The following TNFSF4 variants were observed in gnomAD, a reference collection of about 807,000 sequenced individuals.
TNFSF4 encodes the protein tumor necrosis factor ligand superfamily member 4.
A neutral mutation model predicts 7.3 loss-of-function variants in TNFSF4; 4 were observed. The observed-to-expected ratio is 0.55, with a 90% CI of 0.27 to 1.25. The LOEUF is 1.25. Among genes scored for constraint, TNFSF4 ranks in the 50% most tolerant of loss-of-function variants. TNFSF4 has a pLI of 0.12. For synonymous variants in TNFSF4, 76 were observed against 83.7 expected (o/e 0.91, Z 0.50); for missense variants, 181 against 208.8 (o/e 0.87, Z 0.82).
chr1:173,226,505 A>G, the TNFSF4 span, among the ~76,000 whole-genome samples: 1 of 152,188 alleles, frequency 6.6e-6, no homozygotes, highest in Non-Finnish European at 1.5e-5. Context: ...CCCATGATTG[A>G]CCTCAAAGAG....
chr1:173,229,306 C>A, the TNFSF4 span, among the ~76,000 whole-genome samples: 2 of 152,152 alleles, frequency 1.3e-5, no homozygotes, highest in Admixed American at 1.3e-4. Context: ...GAATTTTCAA[C>A]CCAGAATTTC....
rs142288375 is a variant in TNFSF4, at chr1:173,205,827, G to C, written c.153+1197C>G. 1.9e-3 allele frequency: 302 copies of C among 157,202 alleles called. 1 individual carries two copies. The highest frequency in any genetic ancestry group is 9.8e-3 in the Middle Eastern group (3 of 306). 9.7% of individuals were successfully genotyped at this position (157,202 alleles called of 1,614,324 possible). A position where few individuals can be genotyped will look rare whatever the true frequency, so the allele number is the denominator to read the frequency against. ...AAGAGTTCTGCGAGAAGACATAAGA[G>C]TGTGGTGTGATGAGGAGAGGATCAA... On this transcript the variant is annotated intron_variant, in intron 1 of 2. Coordinates refer to ENST00000281834, the MANE Select transcript of TNFSF4 (RefSeq NM_003326.5).
At chr1:173,270,005 G>T in the TNFSF4 span, among the ~76,000 whole-genome samples, 2 of 152,090 alleles carry the variant, frequency 1.3e-5, no homozygotes, top group Non-Finnish European at 2.9e-5. Context: ...CTAAGAAGGG[G>T]TCAGACTGTG....
the TNFSF4 span, among the ~76,000 whole-genome samples, chr1:173,177,465 T>C: frequency 6.6e-6 from 1 of 152,056 alleles, no homozygotes; most frequent in Non-Finnish European, 1.5e-5. Flanking sequence ...GCGAGGAGGC[T>C]GAGGATGGAA....
chr1:173,250,245 A>G, the TNFSF4 span, among the ~76,000 whole-genome samples: 1 of 152,156 alleles, frequency 6.6e-6, no homozygotes, highest in Non-Finnish European at 1.5e-5. Flanking sequence ...CATTAATTTT[A>G]CCATTTAACA....
chr1:173,207,046 C>A lies in TNFSF4; in HGVS notation c.131G>T (p.Cys44Phe). 6.2e-7 allele frequency: 1 copy of A among 1,612,652 alleles called. No individual in the cohort carries two copies. Among genetic ancestry groups the A allele is most frequent in the Non-Finnish European group, 8.5e-7 (1 of 1,179,236 alleles). ...LGLLLCFTYI[C>F]LHFSALQVSH... ...TACCTGAAGAGCAGAGAAGTGCAGG[C>A]AGATGTAGGTGAAGCACAGGAGCAG... The change falls in exon 1 of 3, where the codon TGC becomes TTC. Residue 44 changes from cysteine to phenylalanine, a missense_variant. Physicochemically the swap from Cys to Phe is radical, Grantham distance 205 (BLOSUM62 -2). Coordinates refer to ENST00000281834, the MANE Select transcript of TNFSF4 (RefSeq NM_003326.5).
the TNFSF4 span, among the ~76,000 whole-genome samples, chr1:173,396,843 T>C: frequency 1.3e-5 from 2 of 152,238 alleles, no homozygotes; most frequent in African/African-American, 4.8e-5. Context: ...TCACTAATAC[T>C]GTGAGAAATA....
At chr1:173,197,598 A>G (rs1649758661) in intron 1 of TNFSF4, among the ~76,000 whole-genome samples, 1 of 152,200 alleles carries the variant, frequency 6.6e-6, no homozygotes, top group African/African-American at 2.4e-5. Flanking sequence ...GAACAGAAAA[A>G]CACCGCATGT....
At chr1:173,435,610 T>C in the TNFSF4 span, among the ~76,000 whole-genome samples, 4 of 152,200 alleles carry the variant, frequency 2.6e-5, no homozygotes, top group Non-Finnish European at 5.9e-5. Context: ...AAAAATAAAT[T>C]TCTATTTCTG....
At chr1:173,203,352 CCAAGT>C (rs1279162882) in intron 1 of TNFSF4, among the ~76,000 whole-genome samples, 2 of 152,114 alleles carry the variant, frequency 1.3e-5, no homozygotes, top group African/African-American at 4.8e-5. Flanking sequence ...TTATGACAAG[CCAAGT>C]CAACTTCAGA....
chr1:173,217,071 C>G, the TNFSF4 span, among the ~76,000 whole-genome samples: 1 of 152,186 alleles, frequency 6.6e-6, no homozygotes, highest in African/African-American at 2.4e-5. Context: ...CACCTCCCGT[C>G]TGCTCCGGAC....
the TNFSF4 span, among the ~76,000 whole-genome samples, chr1:173,433,891 C>T: frequency 1.3e-5 from 2 of 152,078 alleles, no homozygotes; most frequent in South Asian, 2.1e-4. Context: ...AGATCATATC[C>T]GAGTAAAATA....
chr1:173,410,516 A>G, the TNFSF4 span, among the ~76,000 whole-genome samples: 1 of 152,184 alleles, frequency 6.6e-6, no homozygotes, highest in East Asian at 1.9e-4. Flanking sequence ...AAAGTTGTAA[A>G]TGGGTGTCAA....
At chr1:173,341,077 TGAA>T in the TNFSF4 span, among the ~76,000 whole-genome samples, 1 of 152,172 alleles carries the variant, frequency 6.6e-6, no homozygotes, top group South Asian at 2.1e-4. Context: ...TGCAGCCATG[TGAA>T]GAAGGATGTG....
the TNFSF4 span, among the ~76,000 whole-genome samples, chr1:173,220,454 C>A: frequency 6.6e-6 from 1 of 152,184 alleles, no homozygotes; most frequent in African/African-American, 2.4e-5. Context: ...AGTTTATATT[C>A]CTGTTGGAGA....
chr1:173,277,031 T>C, the TNFSF4 span, among the ~76,000 whole-genome samples: 1 of 152,140 alleles, frequency 6.6e-6, no homozygotes, highest in Non-Finnish European at 1.5e-5. Flanking sequence ...GCCATAATAA[T>C]AATGCTTCAG....
the TNFSF4 span, among the ~76,000 whole-genome samples, chr1:173,438,392 G>T: frequency 6.6e-6 from 1 of 152,090 alleles, no homozygotes; most frequent in Non-Finnish European, 1.5e-5. Context: ...CATCATATAA[G>T]ACTGAATGGG....
At chr1:173,346,255 GA>G in the TNFSF4 span, among the ~76,000 whole-genome samples, 1 of 152,108 alleles carries the variant, frequency 6.6e-6, no homozygotes, top group African/African-American at 2.4e-5. Flanking sequence ...ATGCTATCCA[GA>G]AAAGAGACAC....
At chr1:173,239,777 T>A in the TNFSF4 span, among the ~76,000 whole-genome samples, 1 of 152,100 alleles carries the variant, frequency 6.6e-6, no homozygotes, top group East Asian at 1.9e-4. Flanking sequence ...ACACCTATAA[T>A]CCCAGCACTT....
Sources: allele counts gnomAD v4.1 joint callset (sites outside exome capture counted in the v4.1 genomes callset), GRCh38; gene constraint gnomAD v4.1.1; transcripts MANE v1.5; gene names NCBI Gene and HGNC (gene_info 2026-07-23, HGNC 2026-07-21).